The following BCL2 variants were observed in gnomAD, a reference collection of about 807,000 sequenced individuals.
BCL2 encodes apoptosis regulator Bcl-2.
Under a neutral mutation model 14.2 loss-of-function variants are expected in BCL2, and 1 was observed. The observed-to-expected ratio is 0.07, with a 90% confidence interval of 0.02 to 0.33. The LOEUF (loss-of-function observed/expected upper bound fraction) is 0.33, where lower values mean the gene tolerates loss of function less well. Among genes scored for constraint, BCL2 ranks in the 10% least tolerant of loss-of-function variants. The probability of loss-of-function intolerance (pLI) is 0.99; values close to 1 mark genes in which losing one functional copy is unlikely to be tolerated. For missense variants in BCL2, 247 were observed against 305.9 expected (o/e 0.81, Z 1.44); for synonymous variants, 151 against 137.2 (o/e 1.10, Z -0.70).
intron 2 of BCL2, among the ~76,000 whole-genome samples, chr18:63,249,832 AT>A (rs1348505826): frequency 2.3e-4 from 35 of 151,962 alleles, no homozygotes; most frequent in Non-Finnish European, 4.1e-4. Flanking sequence ...ACTAAAAAAA[AT>A]GGTAGTTTCA....
chr18:63,222,291 AAAAGAAAAAAGAAAGAAAG>A (rs1401522962), intron 2 of BCL2, among the ~76,000 whole-genome samples: 4 of 150,908 alleles, frequency 2.7e-5, no homozygotes, highest in African/African-American at 7.3e-5. Flanking sequence ...AAAAAAAAGA[AAAAGAAAAAAGAAAGAAAG>A]AAAGAAAAAA....
rs1744905575 is a variant in BCL2, at chr18:63,289,882, G to C, written c.585+28200C>G. Among the ~76,000 whole-genome samples the C allele has an allele frequency of 2.0e-5, 3 of 152,164 alleles. No individual in the cohort carries two copies. The South Asian group carries it at 6.2e-4, about 32-fold the overall frequency. On this transcript the variant is annotated intron_variant, in intron 2 of 2. Transcript: ENST00000333681. ...GTACTCCAGCTGGGTGACAGAGCGAGACTCCACCTCAAGAAGAAAAACAAT... is the reference window on the plus strand; with the variant it reads ...GTACTCCAGCTGGGTGACAGAGCGACACTCCACCTCAAGAAGAAAAACAAT...
intron 2 of BCL2, among the ~76,000 whole-genome samples, chr18:63,256,967 T>C (rs1911495515): frequency 6.6e-6 from 1 of 152,244 alleles, no homozygotes; most frequent in Non-Finnish European, 1.5e-5. Flanking sequence ...GGGAAAGTAA[T>C]GAGTTCTTTG....
chr18:63,210,762 G>T (rs1909977016), intron 2 of BCL2, among the ~76,000 whole-genome samples: 1 of 151,962 alleles, frequency 6.6e-6, no homozygotes, highest in Admixed American at 6.5e-5. Flanking sequence ...GTTTTTTAAA[G>T]ATCTTTCCAT....
rs920561912 is a variant in BCL2 at position 63,189,788 on chromosome 18, G to A, written c.586-61029C>T. 2.7e-5 allele frequency among the ~76,000 whole-genome samples: 4 copies of A among 148,526 alleles called. No individual in the cohort carries two copies. In the South Asian group the frequency reaches 6.3e-4, roughly 23 times the overall value. On this transcript the variant is annotated intron_variant, in intron 2 of 2. Transcript: ENST00000333681. ...CAGCCAGAAATCCCTATTAACAGCC[G>A]TTTCTGAGATAACTGATGTTCTCCG...
chr18:63,302,357 C>T, intron 2 of BCL2: 1 of 984,578 alleles, frequency 1.0e-6, no homozygotes, highest in Non-Finnish European at 1.2e-6. Context: ...TAGTTGGTGG[C>T]TTGTTCAGTT....
intron 2 of BCL2, among the ~76,000 whole-genome samples, chr18:63,286,780 A>AATCT (rs1278689030): frequency 4.6e-5 from 7 of 152,122 alleles, no homozygotes; most frequent in African/African-American, 1.7e-4. Flanking sequence ...CTTGGTGCCC[A>AATCT]ATCTCTGCCA....
intron 2 of BCL2, among the ~76,000 whole-genome samples, chr18:63,238,123 G>T (rs1362352860): frequency 6.6e-6 from 1 of 152,146 alleles, no homozygotes; most frequent in Non-Finnish European, 1.5e-5. Context: ...CTTTTACTCC[G>T]TAATGGAGGG....
At chr18:63,211,071 T>C (rs1216037222) in intron 2 of BCL2, among the ~76,000 whole-genome samples, 3 of 132,402 alleles carry the variant, frequency 2.3e-5, no homozygotes, top group Non-Finnish European at 4.9e-5. Context: ...TTCTTTTTTT[T>C]TTTTTTTTTT....
chr18:63,281,738 A>AAGAAAGAAAGAG (rs1912326610), intron 2 of BCL2, among the ~76,000 whole-genome samples: 2 of 148,490 alleles, frequency 1.3e-5, no homozygotes, highest in African/African-American at 5.1e-5. Flanking sequence ...GAAAGAAAGA[A>AAGAAAGAAAGAG]AAAGAGAGAG....
intron 2 of BCL2, among the ~76,000 whole-genome samples, chr18:63,209,870 A>G (rs1909952991): frequency 1.3e-5 from 2 of 152,200 alleles, no homozygotes; most frequent in Non-Finnish European, 2.9e-5. Flanking sequence ...AGGCCGTTTA[A>G]CAGGATCAAG....
chr18:63,159,558 TG>T lies in BCL2; in HGVS notation c.586-30800del, dbSNP rs759508748. 1.5e-3 allele frequency among the ~76,000 whole-genome samples: 226 copies of T among 152,362 alleles called. 3 individuals carry two copies. The highest frequency in any genetic ancestry group is 0.014 in the Middle Eastern group (4 of 294). ...CAAATGCATTTAGGGCCAAATGCAC[TG>T]GCTAATTTTGATAGAATGTAACAGA... On this transcript the variant is annotated intron_variant, in intron 2 of 2. Coordinates refer to ENST00000333681, the MANE Select transcript of BCL2 (RefSeq NM_000633.3).
chr18:63,177,955 T>G (rs2144638128), intron 2 of BCL2, among the ~76,000 whole-genome samples: 1 of 152,236 alleles, frequency 6.6e-6, no homozygotes, highest in South Asian at 2.1e-4. Context: ...TCAGCCTGCA[T>G]GAGGAGGGCA....
intron 2 of BCL2, among the ~76,000 whole-genome samples, chr18:63,200,731 T>C (rs896434805): frequency 6.6e-6 from 1 of 152,104 alleles, no homozygotes; most frequent in African/African-American, 2.4e-5. Context: ...CATCAACTCC[T>C]GGGAAAAAGT....
At chr18:63,264,573 C>T (rs1173654724) in intron 2 of BCL2, among the ~76,000 whole-genome samples, 1 of 152,182 alleles carries the variant, frequency 6.6e-6, no homozygotes, top group Non-Finnish European at 1.5e-5. Context: ...AGCCCGATTC[C>T]CTGCACTGTC....
At chr18:63,271,846 G>A (rs1348978772) in intron 2 of BCL2, among the ~76,000 whole-genome samples, 1 of 152,144 alleles carries the variant, frequency 6.6e-6, no homozygotes. Flanking sequence ...TCTTTCCTTT[G>A]AAACAGAGAT....
chr18:63,152,582 T>C (rs529088204), intron 2 of BCL2, among the ~76,000 whole-genome samples: 1 of 152,330 alleles, frequency 6.6e-6, no homozygotes, highest in East Asian at 1.9e-4. Flanking sequence ...CTAACATTTG[T>C]GTACAAAGCC....
At chr18:63,237,709 T>C (rs1251479302) in intron 2 of BCL2, among the ~76,000 whole-genome samples, 1 of 152,124 alleles carries the variant, frequency 6.6e-6, no homozygotes, top group Admixed American at 6.5e-5. Context: ...TCCCCACACA[T>C]AGTTTGGTGG....
chr18:63,252,468 C>T (rs1911345386), intron 2 of BCL2, among the ~76,000 whole-genome samples: 1 of 152,150 alleles, frequency 6.6e-6, no homozygotes, highest in Admixed American at 6.5e-5. Context: ...AGTTGTAACT[C>T]CCACAATTCC....
Sources: allele counts gnomAD v4.1 joint callset (sites outside exome capture counted in the v4.1 genomes callset), GRCh38; gene constraint gnomAD v4.1.1; transcripts MANE v1.5; gene names NCBI Gene and HGNC (gene_info 2026-07-23, HGNC 2026-07-21).